Variants in FRMD6 observed in about 807,000 individuals in gnomAD.
FRMD6 encodes the protein FERM domain-containing protein 6.
A neutral mutation model predicts 73.2 loss-of-function variants in FRMD6; 37 were observed. The observed-to-expected ratio is 0.51, with a 90% CI of 0.39 to 0.66. The LOEUF (loss-of-function observed/expected upper bound fraction) is 0.66, where lower values mean the gene tolerates loss of function less well. FRMD6 is among the 30% of genes least tolerant of loss of function. FRMD6 has a pLI of 0.00. For missense variants in FRMD6, 714 were observed against 780.5 expected (o/e 0.91, Z 1.02); for synonymous variants, 273 against 282.2 (o/e 0.97, Z 0.33).
chr14:51,434,381 A>G, the FRMD6 span, among the ~76,000 whole-genome samples: 3 of 152,168 alleles, frequency 2.0e-5, no homozygotes, highest in Non-Finnish European at 2.9e-5. Flanking sequence ...GTGAAATGAT[A>G]AGATTAGTCT....
intron 1 of FRMD6, among the ~76,000 whole-genome samples, chr14:51,676,860 C>T (rs1894426468): frequency 6.6e-6 from 1 of 152,122 alleles, no homozygotes; most frequent in Non-Finnish European, 1.5e-5. Flanking sequence ...CATACCTTTG[C>T]CTTTCTTTAG....
intron 2 of FRMD6, among the ~76,000 whole-genome samples, chr14:51,588,952 T>C (rs1245253836): frequency 6.6e-6 from 1 of 152,196 alleles, no homozygotes; most frequent in Non-Finnish European, 1.5e-5. Context: ...ATGACCACCA[T>C]AAGCCCTAAA....
chr14:51,689,824 T>C lies in FRMD6; in HGVS notation c.-13T>C, dbSNP rs372285312. ...CAGAGCCCAGCCCTGACCACCAGAG[T>C]GCCCAAAACACAATGAACAAATTGA... On this transcript the variant is annotated 5_prime_UTR_variant, in exon 2 of 14. Coordinates refer to ENST00000344768, the MANE Select transcript of FRMD6 (RefSeq NM_001267046.2). 113 of 1,568,308 alleles carry C rather than the reference T, an allele frequency of 7.2e-5. No individual in the cohort carries two copies. In the African/African-American group the frequency reaches 1.4e-3, roughly 19 times the overall value.
At chr14:51,498,453 C>T (rs559474435) in intron 1 of FRMD6, among the ~76,000 whole-genome samples, 10 of 152,246 alleles carry the variant, frequency 6.6e-5, no homozygotes, top group South Asian at 2.1e-4. Context: ...GTGATTCCGA[C>T]GCTTAGTGAC....
chr14:51,423,258 T>C, the FRMD6 span, among the ~76,000 whole-genome samples: 70 of 152,146 alleles, frequency 4.6e-4, no homozygotes, highest in Non-Finnish European at 8.2e-4. Flanking sequence ...ATCTCACAAG[T>C]CTCCAAGCTT....
the FRMD6 span, among the ~76,000 whole-genome samples, chr14:51,403,245 A>C: frequency 6.6e-6 from 1 of 152,186 alleles, no homozygotes; most frequent in African/African-American, 2.4e-5. Flanking sequence ...CTTTCAGAGA[A>C]AATTGTTATC....
At chr14:51,530,750 A>C (rs892875956) in intron 1 of FRMD6, among the ~76,000 whole-genome samples, 1 of 151,992 alleles carries the variant, frequency 6.6e-6, no homozygotes, top group Non-Finnish European at 1.5e-5. Context: ...GCCTCCCAAC[A>C]TGCTGGGATT....
chr14:51,549,672 T>C (rs1160207043), intron 1 of FRMD6, among the ~76,000 whole-genome samples: 2 of 128,910 alleles, frequency 1.6e-5, no homozygotes, highest in African/African-American at 5.8e-5. Flanking sequence ...CTCAGCTCAC[T>C]GCAGGCTCCG....
intron 10 of FRMD6, among the ~76,000 whole-genome samples, chr14:51,719,200 CTT>C (rs1308716497): frequency 6.7e-6 from 1 of 150,012 alleles, no homozygotes; most frequent in Non-Finnish European, 1.5e-5. Flanking sequence ...TGGGTTGTAA[CTT>C]TGTGCCTTAA....
chr14:51,709,278 GT>G (rs1158491751), intron 7 of FRMD6, among the ~76,000 whole-genome samples: 1 of 152,124 alleles, frequency 6.6e-6, no homozygotes, highest in Non-Finnish European at 1.5e-5. Context: ...TTTCCCCATA[GT>G]TAAAGGGGAC....
chr14:51,495,420 G>A (rs1278278665), intron 1 of FRMD6, among the ~76,000 whole-genome samples: 1 of 152,188 alleles, frequency 6.6e-6, no homozygotes, highest in Non-Finnish European at 1.5e-5. Flanking sequence ...TCAGACCATA[G>A]CAGGGGAGTA....
chr14:51,619,314 G>A (rs1341962000), intron 2 of FRMD6, among the ~76,000 whole-genome samples: 2 of 151,870 alleles, frequency 1.3e-5, no homozygotes, highest in African/African-American at 4.8e-5. Context: ...AGACTTCTGT[G>A]GATGTCTGTT....
At chr14:51,598,074 A>G (rs1889820826) in intron 2 of FRMD6, among the ~76,000 whole-genome samples, 1 of 152,196 alleles carries the variant, frequency 6.6e-6, no homozygotes, top group Non-Finnish European at 1.5e-5. Flanking sequence ...AAAATTCCCT[A>G]TTTTGAATTG....
intron 2 of FRMD6, among the ~76,000 whole-genome samples, chr14:51,645,398 A>G (rs1892018848): frequency 6.6e-6 from 1 of 152,076 alleles, no homozygotes; most frequent in South Asian, 2.1e-4. Flanking sequence ...GCCTCAGTGA[A>G]CTTCCCATGA....
At chr14:51,694,136 T>G (rs1363873620) in intron 2 of FRMD6, among the ~76,000 whole-genome samples, 2 of 152,234 alleles carry the variant, frequency 1.3e-5, no homozygotes, top group Non-Finnish European at 2.9e-5. Context: ...TTGGTCATTC[T>G]GAATTCCCTG....
chr14:51,722,164 G>T (rs1360402615), intron 12 of FRMD6, 84 bp downstream of exon 12: 4 of 1,488,776 alleles, frequency 2.7e-6, no homozygotes, highest in East Asian at 4.5e-5. Flanking sequence ...TAGAAGGGGT[G>T]AGCTGGGGGC....
chr14:51,648,441 A>G (rs997372344), upstream of FRMD6, among the ~76,000 whole-genome samples: 1 of 152,250 alleles, frequency 6.6e-6, no homozygotes, highest in Non-Finnish European at 1.5e-5. Flanking sequence ...AACATTCCAA[A>G]GCCCAAGCCA....
chr14:51,680,616 C>T (rs1419092005), intron 1 of FRMD6, among the ~76,000 whole-genome samples: 1 of 150,962 alleles, frequency 6.6e-6, no homozygotes, highest in Non-Finnish European at 1.5e-5. Flanking sequence ...CTTTTTCTTG[C>T]TTTTTTTTTC....
At chr14:51,544,900 T>C (rs1057413331) in intron 1 of FRMD6, among the ~76,000 whole-genome samples, 1 of 151,998 alleles carries the variant, frequency 6.6e-6, no homozygotes, top group Admixed American at 6.6e-5. Flanking sequence ...TACACACACG[T>C]GTATAAGGAT....
Sources: allele counts gnomAD v4.1 joint callset (sites outside exome capture counted in the v4.1 genomes callset), GRCh38; gene constraint gnomAD v4.1.1; transcripts MANE v1.5; gene names NCBI Gene and HGNC (gene_info 2026-07-23, HGNC 2026-07-21).